The following IMPG2 variants were observed in gnomAD, a reference collection of about 807,000 sequenced individuals.
IMPG2 encodes the protein IPM 200.
A neutral mutation model predicts 129.2 loss-of-function variants in IMPG2; 91 were observed. The observed-to-expected ratio is 0.70, with a 90% confidence interval of 0.59 to 0.84. The LOEUF is 0.84. Ranked by LOEUF, IMPG2 falls within the 40% of genes least tolerant of loss-of-function variation. The pLI, the probability that IMPG2 is intolerant of heterozygous loss-of-function variation, is 0.00. For missense variants in IMPG2, 1,430 were observed against 1,461.7 expected (o/e 0.98, Z 0.35); for synonymous variants, 510 against 517.7 (o/e 0.99, Z 0.20).
chr3:101,277,107 C>G (rs1161849304), intron 4 of IMPG2, among the ~76,000 whole-genome samples: 1 of 152,084 alleles, frequency 6.6e-6, no homozygotes, highest in Non-Finnish European at 1.5e-5. Flanking sequence ...AAAATTAAAC[C>G]AAGTTAAAAA....
intron 14 of IMPG2, among the ~76,000 whole-genome samples, chr3:101,240,210 T>C (rs1174649385): frequency 6.6e-6 from 1 of 152,080 alleles, no homozygotes; most frequent in African/African-American, 2.4e-5. Context: ...CTCAACCTCC[T>C]AGACTCCAGC....
chr3:101,228,883 C>T lies in IMPG2; in HGVS notation c.3634-7G>A, dbSNP rs769963483. The T allele has an allele frequency of 1.9e-6, 3 of 1,609,274 alleles. No homozygotes were observed. In the East Asian group the frequency reaches 6.7e-5, roughly 36 times the overall value. ...TCATTCTCTCTTGAATTTCCTTAAACAAAAAAGAAACAATAGGCCACACAT... is the reference window on the plus strand; with the variant it reads ...TCATTCTCTCTTGAATTTCCTTAAATAAAAAAGAAACAATAGGCCACACAT... On this transcript the variant is annotated splice_region_variant and splice_polypyrimidine_tract_variant and intron_variant, in intron 17 of 18. Coordinates refer to ENST00000193391, the MANE Select transcript of IMPG2 (RefSeq NM_016247.4).
At chr3:101,314,680 T>C (rs1399639733) in intron 2 of IMPG2, among the ~76,000 whole-genome samples, 1 of 152,140 alleles carries the variant, frequency 6.6e-6, no homozygotes, top group African/African-American at 2.4e-5. Context: ...TTAATTATTG[T>C]GGTTAATACT....
chr3:101,227,947 T>A (rs1428103956), intron 18 of IMPG2: 1 of 428,000 alleles, frequency 2.3e-6, no homozygotes, highest in African/African-American at 2.0e-5. Flanking sequence ...TTAATTTCTC[T>A]TATAAGCATG....
In IMPG2 at chr3:101,303,972, G is replaced by A. The variant is rs76299530; in HGVS notation, c.501+174C>T. Among the ~76,000 whole-genome samples, 1,431 of 152,170 alleles carry A rather than the reference G, an allele frequency of 9.4e-3. 27 individuals carry two copies. Among genetic ancestry groups the A allele is most frequent in the African/African-American group, 0.032 (1,346 of 41,510 alleles). On this transcript the variant is annotated intron_variant, in intron 3 of 18. Coordinates refer to ENST00000193391, the MANE Select transcript of IMPG2 (RefSeq NM_016247.4). ...AATATTAATAATGTATATTATAGAG[G>A]CCAGAGCTAGGAATAAAAGACTAGG...
intron 9 of IMPG2, among the ~76,000 whole-genome samples, chr3:101,261,968 A>G (rs915750752): frequency 6.6e-6 from 1 of 152,142 alleles, no homozygotes; most frequent in Non-Finnish European, 1.5e-5. Flanking sequence ...GCTGCTATAC[A>G]GAGGAGAGTT....
chr3:101,262,151 A>G (rs1706677594), intron 9 of IMPG2, among the ~76,000 whole-genome samples: 2 of 152,126 alleles, frequency 1.3e-5, no homozygotes, highest in South Asian at 4.1e-4. Flanking sequence ...GATATTTTGG[A>G]GAAACTCAGA....
At chr3:101,314,140 C>T (rs1464909351) in intron 2 of IMPG2, among the ~76,000 whole-genome samples, 1 of 151,978 alleles carries the variant, frequency 6.6e-6, no homozygotes, top group Non-Finnish European at 1.5e-5. Context: ...GCCAAATTCA[C>T]TAAAACCTTT....
At chr3:101,236,280 C>G (rs1305625255) in intron 14 of IMPG2, among the ~76,000 whole-genome samples, 2 of 152,182 alleles carry the variant, frequency 1.3e-5, no homozygotes, top group African/African-American at 4.8e-5. Context: ...AGGTTTTATA[C>G]TGCACAGGGG....
At chr3:101,303,473 G>A (rs919403133) in intron 3 of IMPG2, among the ~76,000 whole-genome samples, 5 of 152,154 alleles carry the variant, frequency 3.3e-5, no homozygotes, top group African/African-American at 1.2e-4. Context: ...GGACACAGAG[G>A]AACTGAATAG....
At chr3:101,228,718 G>T in intron 18 of IMPG2, 79 bp downstream of exon 18, 3 of 1,096,100 alleles carry the variant, frequency 2.7e-6, no homozygotes, top group South Asian at 1.2e-5. Context: ...GAAATTATGT[G>T]CTCACTCAGG....
intron 2 of IMPG2, among the ~76,000 whole-genome samples, chr3:101,307,780 C>T (rs925119998): frequency 6.6e-6 from 1 of 152,178 alleles, no homozygotes; most frequent in African/African-American, 2.4e-5. Context: ...CAAAACACAA[C>T]CATGCCTTTC....
chr3:101,308,924 A>T (rs1707233290), intron 2 of IMPG2, among the ~76,000 whole-genome samples: 1 of 152,214 alleles, frequency 6.6e-6, no homozygotes, highest in Non-Finnish European at 1.5e-5. Flanking sequence ...TTTGCAGCTT[A>T]GAAATTTCTT....
chr3:101,308,991 C>A (rs1362928527), intron 2 of IMPG2, among the ~76,000 whole-genome samples: 1 of 152,136 alleles, frequency 6.6e-6, no homozygotes, highest in Non-Finnish European at 1.5e-5. Context: ...ATCTCTAGGG[C>A]AGGGACAAAA....
intron 4 of IMPG2, among the ~76,000 whole-genome samples, chr3:101,277,682 T>A (rs1706852377): frequency 6.6e-6 from 1 of 152,204 alleles, no homozygotes; most frequent in Non-Finnish European, 1.5e-5. Flanking sequence ...CATGCCACTC[T>A]GCAATTGCAA....
At chr3:101,300,703 A>C (rs1042736165) in intron 3 of IMPG2, among the ~76,000 whole-genome samples, 1 of 151,994 alleles carries the variant, frequency 6.6e-6, no homozygotes, top group African/African-American at 2.4e-5. Context: ...TGATGACAAA[A>C]CCTGGATACC....
rs553047060 is a variant in IMPG2 at position 101,229,608 on chromosome 3, T to C, written c.3423-18A>G. 6.2e-5 allele frequency: 100 copies of C among 1,606,186 alleles called. No individual in the cohort carries two copies. The highest frequency in any genetic ancestry group is 8.3e-5 in the Non-Finnish European group (98 of 1,173,684). Reference sequence around the variant, plus strand: ...TGGAGCCACTAAAAGAAAGATATGATGGATTCAGGCTCTTGTTTGGATGCT... The same window carrying C: ...TGGAGCCACTAAAAGAAAGATATGACGGATTCAGGCTCTTGTTTGGATGCT... On this transcript the variant is annotated intron_variant, in intron 16 of 18. Transcript: ENST00000193391.
intron 4 of IMPG2, among the ~76,000 whole-genome samples, chr3:101,278,712 AAC>A (rs200021513): frequency 6.6e-6 from 1 of 151,960 alleles, no homozygotes; most frequent in African/African-American, 2.4e-5. Flanking sequence ...AAAAAAAAAA[AAC>A]AAACTTCACC....
chr3:101,226,853 T>G lies in IMPG2; in HGVS notation c.*116A>C. 2.7e-6 allele frequency: 3 copies of G among 1,129,740 alleles called. No homozygotes were observed. Among genetic ancestry groups the G allele is most frequent in the Admixed American group, 4.1e-5 (2 of 48,660 alleles). 70.0% of individuals were successfully genotyped at this position (1,129,740 alleles called of 1,614,324 possible). A position where few individuals can be genotyped will look rare whatever the true frequency, so the allele number is the denominator to read the frequency against. Reference sequence around the variant, plus strand: ...ACAGTGTGCCCTATATTTAATTTTTTCATAGAAAACTCTTCTTCCAACAGT... The same window carrying G: ...ACAGTGTGCCCTATATTTAATTTTTGCATAGAAAACTCTTCTTCCAACAGT... On this transcript the variant is annotated 3_prime_UTR_variant, in exon 19 of 19. Coordinates refer to ENST00000193391, the MANE Select transcript of IMPG2 (RefSeq NM_016247.4).
Sources: allele counts gnomAD v4.1 joint callset (sites outside exome capture counted in the v4.1 genomes callset), GRCh38; gene constraint gnomAD v4.1.1; transcripts MANE v1.5; gene names NCBI Gene and HGNC (gene_info 2026-07-23, HGNC 2026-07-21).